Variants in ANKRD11 observed in about 807,000 individuals in gnomAD.
ANKRD11 encodes ankyrin repeat domain-containing protein 11.
Under a neutral mutation model 195.7 loss-of-function variants are expected in ANKRD11, and 17 were observed. That is an observed-to-expected ratio of 0.09 (90% confidence interval 0.06 to 0.13). The LOEUF (loss-of-function observed/expected upper bound fraction) is 0.13, where lower values mean the gene tolerates loss of function less well. Among genes scored for constraint, ANKRD11 ranks in the 10% least tolerant of loss-of-function variants. The pLI, the probability that ANKRD11 is intolerant of heterozygous loss-of-function variation, is 1.00. For missense variants in ANKRD11, 3,735 were observed against 3,566.1 expected, an observed-to-expected ratio of 1.05 and a Z score of -1.21; for synonymous variants, 1,953 against 1,528.1, an observed-to-expected ratio of 1.28 and a Z score of -6.49.
chr16:89,468,392 T>C (rs1324054441), intron 1 of ANKRD11, among the ~76,000 whole-genome samples: 2 of 152,088 alleles, frequency 1.3e-5, no homozygotes, highest in African/African-American at 4.8e-5. Context: ...ACTCACCGAT[T>C]TGCTGTTACC....
chr16:89,276,827 G>T (rs1181275303), intron 9 of ANKRD11, among the ~76,000 whole-genome samples: 1 of 152,178 alleles, frequency 6.6e-6, no homozygotes, highest in Non-Finnish European at 1.5e-5. Flanking sequence ...GGAGGCTGAG[G>T]CAGGCGGATC....
At chr16:89,405,658 T>C (rs1479038004) in intron 2 of ANKRD11, among the ~76,000 whole-genome samples, 1 of 152,094 alleles carries the variant, frequency 6.6e-6, no homozygotes, top group Non-Finnish European at 1.5e-5. Flanking sequence ...CCTATCAGCC[T>C]TCCTGACTGC....
chr16:89,288,729 T>C lies in ANKRD11; in HGVS notation c.602-59A>G, dbSNP rs535039597. The C allele has an allele frequency of 3.7e-6, 6 of 1,609,984 alleles. No individual in the cohort carries two copies. In the South Asian group the frequency reaches 6.6e-5, roughly 18 times the overall value. Reference sequence around the variant, plus strand: ...ATCCTCAGAACTTCCCTCCTGTCTCTGGAGGCAGCGCCCTGAGGATGTGCT... The same window carrying C: ...ATCCTCAGAACTTCCCTCCTGTCTCCGGAGGCAGCGCCCTGAGGATGTGCT... On this transcript the variant is annotated intron_variant, in intron 6 of 12. Transcript: ENST00000301030.
rs141743597 is a variant in ANKRD11, at chr16:89,282,904, G to A, written c.3638C>T (p.Ser1213Phe). The A allele has an allele frequency of 6.2e-7, 1 of 1,612,720 alleles. No homozygotes were observed. Among genetic ancestry groups the A allele is most frequent in the Non-Finnish European group, 8.5e-7 (1 of 1,179,896 alleles). Residue 1213 changes from serine (S) to phenylalanine (F), a missense_variant, in exon 9 of 13, where the codon TCC becomes TTC. By Grantham distance (155) the Ser-to-Phe change is radical. Coordinates refer to ENST00000301030, the MANE Select transcript of ANKRD11 (RefSeq NM_013275.6). The part of the protein sequence containing the change: ...EKHKEKKDKE[S>F]TEKYKDRKDR... ...CTTCCTGTCCTTGTACTTTTCTGTG[G>A]ACTCTTTATCCTTCTTCTCCTTGTG... is the stretch of plus-strand genomic sequence containing the variant.
chr16:89,405,924 AC>A (rs946109883), intron 2 of ANKRD11, among the ~76,000 whole-genome samples: 3 of 152,054 alleles, frequency 2.0e-5, no homozygotes, highest in African/African-American at 7.2e-5. Context: ...AGTCTGGCCA[AC>A]ATGGTAAAGC....
At position 89,490,392 on chromosome 16, in the gene ANKRD11, G is replaced by A; in HGVS notation, c.-292C>T. The A allele has an allele frequency of 4.6e-6, 1 of 218,442 alleles. No individual in the cohort carries two copies. Among genetic ancestry groups the A allele is most frequent in the East Asian group, 9.1e-5 (1 of 10,978 alleles). The allele number at this position is 218,442 out of a possible 1,614,324, so 13.5% of individuals were successfully genotyped here. A position where few individuals can be genotyped will look rare whatever the true frequency, so the allele number is the denominator to read the frequency against. On this transcript the variant is annotated 5_prime_UTR_variant, in exon 1 of 13. Coordinates refer to ENST00000301030, the MANE Select transcript of ANKRD11 (RefSeq NM_013275.6). ...GCGCGGGCTCGGGCCCGGCAGAGCTGCGAGGGACGGCGGGAGGCGAGCCCG... is the reference window on the plus strand; with the variant it reads ...GCGCGGGCTCGGGCCCGGCAGAGCTACGAGGGACGGCGGGAGGCGAGCCCG...
In ANKRD11 at chr16:89,280,846, A is replaced by G; in HGVS notation, c.5696T>C (p.Leu1899Pro). The change falls in exon 9 of 13, where the codon CTG becomes CCG. Residue 1899 changes from leucine (L) to proline (P), a missense_variant. Leu to Pro is a moderately conservative substitution (Grantham distance 98, BLOSUM62 -3). Coordinates refer to ENST00000301030, the MANE Select transcript of ANKRD11 (RefSeq NM_013275.6). ...KPSPSPRAEL[L>P]VPSLEGALPP... is the part of the protein sequence containing the mutation. ...AAGGGCCCCTTCGAGGGAAGGAACC[A>G]GCAGCTCGGCTCTGGGGGAAGGGGA... The G allele has an allele frequency of 6.2e-7, 1 of 1,603,238 alleles. No individual in the cohort carries two copies. The highest frequency in any genetic ancestry group is 1.1e-5 in the South Asian group (1 of 90,656).
At chr16:89,345,384 T>C (rs969152267) in intron 2 of ANKRD11, among the ~76,000 whole-genome samples, 1 of 151,858 alleles carries the variant, frequency 6.6e-6, no homozygotes, top group African/African-American at 2.4e-5. Flanking sequence ...TCTGCCCTCG[T>C]GGGTGGACGA....
At chr16:89,278,158 C>T (rs1431140702) in intron 9 of ANKRD11, 2 of 283,056 alleles carry the variant, frequency 7.1e-6, no homozygotes, top group African/African-American at 2.2e-5. Context: ...AGAGCCAGAA[C>T]GCCACACGCT....
At chr16:89,376,228 G>A (rs1471858326) in intron 2 of ANKRD11, among the ~76,000 whole-genome samples, 1 of 152,142 alleles carries the variant, frequency 6.6e-6, no homozygotes, top group Non-Finnish European at 1.5e-5. Context: ...GAAAAGTGAA[G>A]CCATTATACA....
chr16:89,430,392 C>G (rs983797692), intron 1 of ANKRD11, among the ~76,000 whole-genome samples: 3 of 144,846 alleles, frequency 2.1e-5, no homozygotes, highest in Admixed American at 6.8e-5. Flanking sequence ...ACAGCAGGGA[C>G]TCTCAACTCT....
chr16:89,402,766 G>A (rs565415144), intron 2 of ANKRD11, among the ~76,000 whole-genome samples: 1 of 146,234 alleles, frequency 6.8e-6, no homozygotes, highest in South Asian at 2.2e-4. Flanking sequence ...AGGGTGAGGT[G>A]AGGGGACAGC....
chr16:89,301,300 C>T (rs576327449), intron 4 of ANKRD11: 20 of 378,548 alleles, frequency 5.3e-5, no homozygotes, highest in Admixed American at 9.0e-5. Flanking sequence ...AAACCTTACA[C>T]ATATAAAAAA....
chr16:89,287,470 T>G (rs991043302), intron 7 of ANKRD11: 1 of 227,268 alleles, frequency 4.4e-6, no homozygotes, highest in South Asian at 5.9e-5. Flanking sequence ...TTAAAAGTGG[T>G]AATTACAGAA....
intron 2 of ANKRD11, among the ~76,000 whole-genome samples, chr16:89,325,874 C>T (rs1207147618): frequency 1.3e-5 from 2 of 152,296 alleles, no homozygotes; most frequent in East Asian, 1.9e-4. Flanking sequence ...AGGGCCCCAT[C>T]GCCCTGCTAG....
At chr16:89,422,054 C>G (rs2042532841) in intron 1 of ANKRD11, 6 of 152,174 alleles carry the variant, frequency 3.9e-5, no homozygotes, top group Admixed American at 3.9e-4. Flanking sequence ...GCTCTTACCA[C>G]TCTGGACTCC....
chr16:89,484,612 A>T (rs930701861), intron 1 of ANKRD11, among the ~76,000 whole-genome samples: 2 of 152,226 alleles, frequency 1.3e-5, no homozygotes, highest in Non-Finnish European at 2.9e-5. Context: ...CAATGCACCA[A>T]GAAAAGAGGT....
At chr16:89,305,451 G>T in intron 3 of ANKRD11, 107 bp from the exon 4 acceptor site, 1 of 1,477,580 alleles carries the variant, frequency 6.8e-7, no homozygotes, top group Non-Finnish European at 9.3e-7. Context: ...TTTGGGCAAT[G>T]AACACCCTCC....
At chr16:89,299,858 T>G (rs2035724904) in intron 4 of ANKRD11, 1 of 183,658 alleles carries the variant, frequency 5.4e-6, no homozygotes, top group Non-Finnish European at 1.0e-5. Flanking sequence ...GCCTGCCCTG[T>G]GTGGGGTGTG....
Sources: allele counts gnomAD v4.1 joint callset (sites outside exome capture counted in the v4.1 genomes callset), GRCh38; gene constraint gnomAD v4.1.1; transcripts MANE v1.5; gene names NCBI Gene and HGNC (gene_info 2026-07-23, HGNC 2026-07-21).